AKR1B15: variants seen among roughly 807,000 people sequenced by gnomAD.
AKR1B15 encodes aldo-keto reductase family 1 member B15.
A neutral mutation model predicts 38.5 loss-of-function variants in AKR1B15; 49 were observed. That is an observed-to-expected ratio of 1.27 (90% CI 1.01 to 1.62). AKR1B15 has a LOEUF of 1.62. AKR1B15 is among the 40% of genes most tolerant of loss of function. The pLI, the probability that AKR1B15 is intolerant of heterozygous loss-of-function variation, is 0.00. For synonymous variants in AKR1B15, 137 were observed against 135.5 expected (o/e 1.01, Z -0.08); for missense variants, 411 against 381.6 (o/e 1.08, Z -0.64).
chr7:134,570,308 C>T (rs368818624), intron 5 of AKR1B15: 1 of 152,200 alleles, frequency 6.6e-6, no homozygotes, highest in East Asian at 1.9e-4. Flanking sequence ...ATGCCCGAAA[C>T]TTCATTAGCA....
chr7:134,577,837 G>A (rs375450120), intron 11 of AKR1B15, 51 bp downstream of exon 11: 20 of 1,583,636 alleles, frequency 1.3e-5, no homozygotes, highest in African/African-American at 5.4e-5. Context: ...TTTCTAAACT[G>A]GTAGAGGGTT....
chr7:134,568,071 A>C, intron 3 of AKR1B15, 87 bp from the exon 4 acceptor site: 1 of 1,509,804 alleles, frequency 6.6e-7, no homozygotes, highest in Non-Finnish European at 9.0e-7. Flanking sequence ...TGAACCTGGG[A>C]GTGTGAGGCC....
At chr7:134,572,495 G>A (rs1794687496) in intron 6 of AKR1B15, among the ~76,000 whole-genome samples, 1 of 152,128 alleles carries the variant, frequency 6.6e-6, no homozygotes, top group South Asian at 2.1e-4. Context: ...AGGTGTGGTG[G>A]TGTGTGCCTG....
chr7:134,571,087 C>T (rs1247842306), intron 5 of AKR1B15, among the ~76,000 whole-genome samples: 1 of 152,178 alleles, frequency 6.6e-6, no homozygotes, highest in Admixed American at 6.5e-5. Context: ...GCACCCATTG[C>T]CTGGGGCTCT....
intron 6 of AKR1B15, among the ~76,000 whole-genome samples, chr7:134,573,790 A>G (rs1794709743): frequency 6.6e-6 from 1 of 152,216 alleles, no homozygotes; most frequent in African/African-American, 2.4e-5. Context: ...GTGGTTCTCA[A>G]CGTTGGCTGG....
chr7:134,560,239 C>T (rs1170139602), intron 2 of AKR1B15, among the ~76,000 whole-genome samples: 6 of 152,178 alleles, frequency 3.9e-5, no homozygotes, highest in African/African-American at 1.4e-4. Flanking sequence ...ACAGAAGTGA[C>T]ACTGCACACA....
intron 1 of AKR1B15, among the ~76,000 whole-genome samples, chr7:134,549,476 G>C (rs1241378253): frequency 2.7e-5 from 4 of 149,862 alleles, no homozygotes; most frequent in South Asian, 4.2e-4. Flanking sequence ...TAAACTCTGA[G>C]TGAGTGAGTG....
chr7:134,557,313 T>A (rs527734178), intron 2 of AKR1B15, among the ~76,000 whole-genome samples: 7 of 152,156 alleles, frequency 4.6e-5, no homozygotes, highest in Admixed American at 3.9e-4. Flanking sequence ...GAACCCAATA[T>A]AACACCCTTG....
intron 6 of AKR1B15, among the ~76,000 whole-genome samples, chr7:134,572,678 G>A (rs1449823767): frequency 6.6e-6 from 1 of 151,372 alleles, no homozygotes; most frequent in Non-Finnish European, 1.5e-5. Flanking sequence ...TGAGTGCCCT[G>A]CTTCTCAGAT....
At chr7:134,574,295 C>G (rs1416447164) in intron 6 of AKR1B15, among the ~76,000 whole-genome samples, 9 of 152,192 alleles carry the variant, frequency 5.9e-5, no homozygotes, top group African/African-American at 2.2e-4. Context: ...TGCCTCTGAG[C>G]TTTGCTCCTG....
intron 2 of AKR1B15, among the ~76,000 whole-genome samples, chr7:134,561,908 C>T (rs935963832): frequency 6.6e-6 from 1 of 152,254 alleles, no homozygotes; most frequent in Non-Finnish European, 1.5e-5. Context: ...CTTCTCACCT[C>T]TCCTCCCTAG....
intron 5 of AKR1B15, 153 bp downstream of exon 5, chr7:134,569,682 T>C (rs1794624992): frequency 2.7e-6 from 2 of 749,990 alleles, no homozygotes; most frequent in Admixed American, 5.8e-5. Flanking sequence ...AATGTTTTTA[T>C]AATTTCTTAC....
At chr7:134,550,102 G>T (rs1189941214) in intron 1 of AKR1B15, among the ~76,000 whole-genome samples, 2 of 152,158 alleles carry the variant, frequency 1.3e-5, no homozygotes, top group Non-Finnish European at 1.5e-5. Context: ...ACCAGTGGTG[G>T]ATCCAAAATA....
intron 6 of AKR1B15, among the ~76,000 whole-genome samples, chr7:134,573,799 G>T (rs1794709978): frequency 6.6e-6 from 1 of 152,130 alleles, no homozygotes; most frequent in South Asian, 2.1e-4. Flanking sequence ...AACGTTGGCT[G>T]GGCATTAGAA....
intron 2 of AKR1B15, among the ~76,000 whole-genome samples, chr7:134,557,332 G>A (rs958876516): frequency 1.3e-5 from 2 of 151,980 alleles, no homozygotes; most frequent in South Asian, 2.1e-4. Flanking sequence ...TGTTATAACC[G>A]AGGAATCAAT....
At chr7:134,573,474 G>C in intron 6 of AKR1B15, 2 of 985,360 alleles carry the variant, frequency 2.0e-6, no homozygotes, top group Non-Finnish European at 2.4e-6. Context: ...ACATTTGAAA[G>C]GCATGAAAAG....
intron 1 of AKR1B15, among the ~76,000 whole-genome samples, chr7:134,551,943 C>T (rs1298099327): frequency 6.6e-6 from 1 of 152,156 alleles, no homozygotes; most frequent in East Asian, 1.9e-4. Context: ...GCCCCGGGAA[C>T]CCATGGTGAC....
In AKR1B15 at chr7:134,569,646, A is replaced by G. The variant is rs1794624044; in HGVS notation, c.435+117A>G. 4.6e-6 allele frequency: 5 copies of G among 1,082,776 alleles called. No individual in the cohort carries two copies. In the South Asian group the frequency reaches 6.3e-5, roughly 14 times the overall value. 67.1% of individuals were successfully genotyped at this position (1,082,776 alleles called of 1,614,324 possible). ...GAAGAACATAAATTGTGAAGATTTC[A>G]TGGACATTTCTTAATTCCCCACATT... On this transcript the variant is annotated intron_variant, in intron 5 of 11. Coordinates refer to ENST00000457545, the MANE Select transcript of AKR1B15 (RefSeq NM_001080538.3).
At chr7:134,553,638 GC>G (rs777368089) in intron 1 of AKR1B15, among the ~76,000 whole-genome samples, 2 of 152,218 alleles carry the variant, frequency 1.3e-5, no homozygotes, top group Non-Finnish European at 2.9e-5. Context: ...GATGTCGAAT[GC>G]TCGCATCTTG....
Sources: gnomAD v4.1 joint callset for allele counts (sites outside exome capture counted in the v4.1 genomes callset) on GRCh38, gnomAD v4.1.1 for gene constraint, MANE v1.5 for transcripts, NCBI Gene and HGNC (gene_info 2026-07-23, HGNC 2026-07-21) for gene names.